CUBN: variants seen among roughly 807,000 people sequenced by gnomAD.
The protein encoded by CUBN is 460 kDa receptor.
Under a neutral mutation model 405.3 loss-of-function variants are expected in CUBN, and 282 were observed. That is an observed-to-expected ratio of 0.70 (90% CI 0.63 to 0.77). The LOEUF is 0.77. Ranked by LOEUF, CUBN falls within the 30% of genes least tolerant of loss-of-function variation. CUBN has a pLI of 0.00. For synonymous variants in CUBN, 1,684 were observed against 1,617.0 expected, an observed-to-expected ratio of 1.04 and a Z score of -0.99; for missense variants, 4,514 against 4,475.2, an observed-to-expected ratio of 1.01 and a Z score of -0.25.
chr10:16,888,491 ATGT>A lies in CUBN; in HGVS notation c.8828_8830del (p.Asn2943del). 1 of 1,613,240 alleles carries A rather than the reference ATGT, an allele frequency of 6.2e-7. No individual in the cohort carries two copies. The highest frequency in any genetic ancestry group is 8.5e-7 in the Non-Finnish European group (1 of 1,179,204). The stretch of plus-strand genomic sequence containing the variant: ...AGCCTCTATGACATAGGTGCAATTC[ATGT>A]TGTTGTCATATTGTTTTGGGTAATT... On this transcript the variant is annotated inframe_deletion, in exon 56 of 67. Transcript: ENST00000377833.
chr10:17,001,363 A>ATTGGTCCATTTTACAGAGCGCTGG (rs1833876627), intron 28 of CUBN, among the ~76,000 whole-genome samples: 1 of 152,152 alleles, frequency 6.6e-6, no homozygotes, highest in Non-Finnish European at 1.5e-5. Flanking sequence ...CATCCTGCTG[A>ATTGGTCCATTTTACAGAGCGCTGG]TTGGTCCATT....
At chr10:16,973,572 C>A (rs1295230822) in intron 31 of CUBN, among the ~76,000 whole-genome samples, 1 of 151,990 alleles carries the variant, frequency 6.6e-6, no homozygotes, top group African/African-American at 2.4e-5. Flanking sequence ...GTTTGGTGTA[C>A]AGTCTATTTT....
intron 27 of CUBN, among the ~76,000 whole-genome samples, chr10:17,031,609 A>G (rs952764524): frequency 4.6e-5 from 7 of 152,196 alleles, no homozygotes; most frequent in African/African-American, 1.7e-4. Flanking sequence ...TCTCTTGCGA[A>G]CGAGTGCTAG....
intron 22 of CUBN, among the ~76,000 whole-genome samples, chr10:17,065,157 G>C (rs1364671940): frequency 2.4e-5 from 3 of 126,580 alleles, no homozygotes; most frequent in Non-Finnish European, 4.7e-5. Context: ...CACATGCACA[G>C]ACACACAAAT....
chr10:16,861,025 C>T (rs1839997022), intron 59 of CUBN, among the ~76,000 whole-genome samples: 1 of 152,000 alleles, frequency 6.6e-6, no homozygotes, highest in Admixed American at 6.6e-5. Context: ...TCTCCTCTCT[C>T]AGCACCTATT....
At chr10:17,026,620 C>A (rs1478922656) in intron 27 of CUBN, among the ~76,000 whole-genome samples, 1 of 140,388 alleles carries the variant, frequency 7.1e-6, no homozygotes, top group Admixed American at 7.5e-5. Flanking sequence ...GGAAACAGAG[C>A]AAGATTCTCT....
Position 16,933,171 on chromosome 10 carries a change from C to T in CUBN, c.6040G>A (p.Asp2014Asn), listed in dbSNP as rs368526003. 22 of 1,613,886 alleles carry T rather than the reference C, an allele frequency of 1.4e-5. No individual in the cohort carries two copies. The highest frequency in any genetic ancestry group is 1.3e-4 in the African/African-American group (10 of 74,870). The change falls in exon 40 of 67, where the codon GAC becomes AAC. Residue 2014 changes from aspartate to asparagine, a missense_variant. Coordinates refer to ENST00000377833, the MANE Select transcript of CUBN (RefSeq NM_001081.4). ...AGAATGTTGAGTTCCACGGTAGAGT[C>T]GGGAGCCTGGATGAGCCACGTACAG... is the stretch of plus-strand genomic sequence containing the variant. ...VDCTWLIQAP[D>N]STVELNILSL...
At chr10:16,872,050 C>T (rs1840369328) in intron 58 of CUBN, among the ~76,000 whole-genome samples, 1 of 151,880 alleles carries the variant, frequency 6.6e-6, no homozygotes, top group Non-Finnish European at 1.5e-5. Context: ...CATGGCAAAA[C>T]TCCATCTCTA....
chr10:16,955,393 A>G (rs1381208899), intron 31 of CUBN, among the ~76,000 whole-genome samples: 4 of 146,328 alleles, frequency 2.7e-5, no homozygotes, highest in Admixed American at 6.6e-5. Flanking sequence ...AAAAAAAAAA[A>G]AAAAAAAAAG....
intron 31 of CUBN, among the ~76,000 whole-genome samples, chr10:16,956,255 T>G (rs1843061130): frequency 6.6e-6 from 1 of 152,108 alleles, no homozygotes; most frequent in African/African-American, 2.4e-5. Flanking sequence ...CAATAATAAG[T>G]TTAAAACAAA....
intron 14 of CUBN, among the ~76,000 whole-genome samples, chr10:17,096,484 T>C: frequency 6.6e-6 from 1 of 151,932 alleles, no homozygotes; most frequent in East Asian, 1.9e-4. Flanking sequence ...GAAAAGAAGA[T>C]AAAAATAATG....
intron 40 of CUBN, among the ~76,000 whole-genome samples, chr10:16,928,532 C>CCTTTTT (rs1403918589): frequency 8.4e-5 from 9 of 107,122 alleles, no homozygotes; most frequent in Non-Finnish European, 1.3e-4. Context: ...CCACCCCCCC[C>CCTTTTT]TTTTTTTTTT....
At chr10:16,858,955 T>C in intron 59 of CUBN, among the ~76,000 whole-genome samples, 1 of 152,172 alleles carries the variant, frequency 6.6e-6, no homozygotes, top group East Asian at 1.9e-4. Flanking sequence ...AAATCTCATA[T>C]CTAAACCAAA....
chr10:16,903,500 A>G (rs1191177031), intron 51 of CUBN, among the ~76,000 whole-genome samples: 3 of 151,908 alleles, frequency 2.0e-5, no homozygotes, highest in African/African-American at 7.2e-5. Flanking sequence ...GTTTACACAG[A>G]AAGATCAAAG....
intron 6 of CUBN, among the ~76,000 whole-genome samples, chr10:17,120,334 G>A (rs796808855): frequency 1.1e-4 from 16 of 152,164 alleles, no homozygotes; most frequent in African/African-American, 2.9e-4. Flanking sequence ...CCTGAATTAC[G>A]GGACTTAAAG....
intron 64 of CUBN, 33 bp from the exon 65 acceptor site, chr10:16,831,450 C>A: frequency 6.4e-7 from 1 of 1,567,558 alleles, no homozygotes; most frequent in Non-Finnish European, 8.8e-7. Context: ...ATTAAACTTA[C>A]ACTTTCTTCT....
chr10:17,095,590 G>A (rs1455221418), intron 14 of CUBN, among the ~76,000 whole-genome samples: 1 of 151,890 alleles, frequency 6.6e-6, no homozygotes, highest in Non-Finnish European at 1.5e-5. Flanking sequence ...CCATTATCGA[G>A]AAGATAAAAG....
At chr10:16,955,374 CAA>C (rs59365817) in intron 31 of CUBN, among the ~76,000 whole-genome samples, 828 of 68,786 alleles carry the variant, frequency 0.012, 9 homozygotes, top group African/African-American at 0.03. Flanking sequence ...GATTCTGTCT[CAA>C]AAAAAAAAAA....
intron 56 of CUBN, among the ~76,000 whole-genome samples, chr10:16,884,673 G>C (rs933612255): frequency 6.6e-6 from 1 of 152,048 alleles, no homozygotes; most frequent in Non-Finnish European, 1.5e-5. Context: ...TGTAACCTAA[G>C]AGTTGAGTGT....
Sources: gnomAD v4.1 joint callset for allele counts (sites outside exome capture counted in the v4.1 genomes callset) on GRCh38, gnomAD v4.1.1 for gene constraint, MANE v1.5 for transcripts, NCBI Gene and HGNC (gene_info 2026-07-23, HGNC 2026-07-21) for gene names.